MTOR: variants seen among roughly 807,000 people sequenced by gnomAD.
MTOR encodes the protein serine/threonine-protein kinase mTOR.
MTOR carries 70 observed loss-of-function variants against 319.8 expected under a neutral mutation model. That is an observed-to-expected ratio of 0.22 (90% CI 0.18 to 0.27). The LOEUF (loss-of-function observed/expected upper bound fraction) is 0.27. Ranked by LOEUF, MTOR falls within the 10% of genes least tolerant of loss-of-function variation. The pLI is 1.00. For missense variants in MTOR, 1,890 were observed against 3,274.4 expected (o/e 0.58, Z 10.32); for synonymous variants, 1,183 against 1,211.4 (o/e 0.98, Z 0.49).
intron 28 of MTOR, chr1:11,189,515 G>A: frequency 6.6e-7 from 1 of 1,516,188 alleles, no homozygotes. Context: ...CAGCTTTGCA[G>A]ACCTCAGCTG....
At chr1:11,194,951 T>A in intron 28 of MTOR, 1 of 1,613,974 alleles carries the variant, frequency 6.2e-7, no homozygotes, top group South Asian at 1.1e-5. Flanking sequence ...TCACCTGGTA[T>A]GGCTGGCATG....
chr1:11,233,283 C>T (rs574949242), intron 15 of MTOR, 115 bp downstream of exon 15: 20 of 962,094 alleles, frequency 2.1e-5, no homozygotes, highest in Admixed American at 1.6e-4. Context: ...GGCTGGGTTC[C>T]GCAATAAATA....
At position 11,228,692 on chromosome 1, in the gene MTOR, T is replaced by G. The variant is rs746759243; in HGVS notation, c.3006A>C (p.Arg1002=). ...QVMPTFLNVI[R]VCDGAIREFL... ...CTTCCCGGATGGCCCCATCACAGAC[T>G]CGAATGACGTTAAGGAACGTGGGCA... is the stretch of plus-strand genomic sequence containing the variant. The change falls in exon 19 of 58, where the codon CGA becomes CGC. Residue 1002 remains arginine (R), a synonymous_variant. Transcript: ENST00000361445. 1.9e-6 allele frequency: 3 copies of G among 1,614,010 alleles called. No individual in the cohort carries two copies. In the Admixed American group the frequency reaches 5.0e-5, roughly 27 times the overall value.
intron 3 of MTOR, among the ~76,000 whole-genome samples, chr1:11,257,797 C>A (rs2100981643): frequency 6.6e-6 from 1 of 152,132 alleles, no homozygotes; most frequent in South Asian, 2.1e-4. Flanking sequence ...GGACTGATGA[C>A]CAGTCCTTAG....
At position 11,115,886 on chromosome 1, in the gene MTOR, C is replaced by T. The variant is rs979160027; in HGVS notation, c.7017-418G>A. ...TAAGTCATTTCTGGCAGCACTGGCACCTTCTGGTGACAAGGCTCTATCATT... is the reference window on the plus strand; with the variant it reads ...TAAGTCATTTCTGGCAGCACTGGCATCTTCTGGTGACAAGGCTCTATCATT... On this transcript the variant is annotated intron_variant, in intron 50 of 57. Coordinates refer to ENST00000361445, the MANE Select transcript of MTOR (RefSeq NM_004958.4). The surrounding 1 kb of genome is among the most constrained non-coding windows in gnomAD (Gnocchi z 4.5). Among the ~76,000 whole-genome samples the T allele has an allele frequency of 6.6e-6, 1 of 152,220 alleles. No homozygotes were observed. The highest frequency in any genetic ancestry group is 1.5e-5 in the Non-Finnish European group (1 of 68,042).
Position 11,106,595 on chromosome 1 carries a change from C to G in MTOR, c.*890G>C. ...AAATTATTCTGATACAACATGGTGT[C>G]TAGACATGGCTACACTTTATACTTT... On this transcript the variant is annotated 3_prime_UTR_variant, in exon 58 of 58. Transcript: ENST00000361445. The G allele has an allele frequency of 1.9e-6, 2 of 1,075,318 alleles. No individual in the cohort carries two copies. Among genetic ancestry groups the G allele is most frequent in the Non-Finnish European group, 2.3e-6 (2 of 884,892 alleles). The allele number at this position is 1,075,318 out of a possible 1,614,324, so 66.6% of individuals were successfully genotyped here.
At chr1:11,149,823 C>T (rs1644074832) in intron 31 of MTOR, among the ~76,000 whole-genome samples, 1 of 152,176 alleles carries the variant, frequency 6.6e-6, no homozygotes, top group Non-Finnish European at 1.5e-5. Context: ...AAGCATCTGG[C>T]ATCAGTACTC....
At chr1:11,256,873 A>AC (rs969805187) in intron 4 of MTOR, 60 bp downstream of exon 4, 42 of 1,504,736 alleles carry the variant, frequency 2.8e-5, no homozygotes, top group Admixed American at 1.9e-4. Flanking sequence ...GAAGCAAAAG[A>AC]CCCCCCCATG....
intron 28 of MTOR, chr1:11,194,404 A>C: frequency 6.5e-7 from 1 of 1,539,030 alleles, no homozygotes; most frequent in Non-Finnish European, 9.0e-7. Context: ...AGGGGTATAG[A>C]GACAGCATGA....
chr1:11,127,620 A>G lies in MTOR; in HGVS notation c.6216+4T>C. The G allele has an allele frequency of 6.2e-7, 1 of 1,610,302 alleles. No individual in the cohort carries two copies. Among genetic ancestry groups the G allele is most frequent in the Middle Eastern group, 1.7e-4 (1 of 6,030 alleles). ...TATGTCCTTTCGTGTTTTTTACCCCATACCTGATTAAAGGATGTTTCCTTC... is the reference window on the plus strand; with the variant it reads ...TATGTCCTTTCGTGTTTTTTACCCCGTACCTGATTAAAGGATGTTTCCTTC... On this transcript the variant is annotated splice_donor_region_variant and intron_variant, in intron 44 of 57. Transcript: ENST00000361445. This position sits in a 1 kb window ranked among gnomAD's most constrained non-coding sequence, Gnocchi z 5.5.
chr1:11,163,421 C>A (rs146512381), intron 29 of MTOR, among the ~76,000 whole-genome samples: 2 of 152,164 alleles, frequency 1.3e-5, no homozygotes, highest in Admixed American at 6.5e-5. Flanking sequence ...CTCAGCTCTG[C>A]GCCAAGTGGA....
In MTOR at chr1:11,121,218, C is replaced by T. The variant is rs747661249; in HGVS notation, c.6933+28G>A. The T allele has an allele frequency of 1.7e-5, 28 of 1,610,620 alleles. No homozygotes were observed. The highest frequency in any genetic ancestry group is 1.6e-4 in the Middle Eastern group (1 of 6,082). On this transcript the variant is annotated intron_variant, in intron 49 of 57. Coordinates refer to ENST00000361445, the MANE Select transcript of MTOR (RefSeq NM_004958.4). This position sits in a 1 kb window ranked among gnomAD's most constrained non-coding sequence, Gnocchi z 4.9. ...ATTGCGAGTGGGGGTTCCAGGAGAG[C>T]GCAGGTCTGCAGGGCCCAGTGGCCT...
chr1:11,116,455 C>T (rs1642172193), intron 50 of MTOR, among the ~76,000 whole-genome samples: 1 of 152,046 alleles, frequency 6.6e-6, no homozygotes, highest in Non-Finnish European at 1.5e-5. Flanking sequence ...GCTGGGACTA[C>T]AGGTGTATGC....
At chr1:11,222,979 A>C (rs1286664843) in intron 19 of MTOR, among the ~76,000 whole-genome samples, 3 of 152,090 alleles carry the variant, frequency 2.0e-5, no homozygotes, top group Non-Finnish European at 4.4e-5. Flanking sequence ...CTGTTTACTA[A>C]ATGTTGAAAT....
chr1:11,206,188 A>G (rs1377897115), intron 25 of MTOR, among the ~76,000 whole-genome samples: 1 of 152,250 alleles, frequency 6.6e-6, no homozygotes, highest in African/African-American at 2.4e-5. Flanking sequence ...TCCTGCCCAC[A>G]GATACCTGGT....
intron 34 of MTOR, among the ~76,000 whole-genome samples, chr1:11,142,349 C>T (rs1054715826): frequency 2.6e-5 from 4 of 152,012 alleles, no homozygotes; most frequent in African/African-American, 7.2e-5. Context: ...AGTGCAGTGG[C>T]GCAATCTTGG....
At chr1:11,124,738 C>T in intron 46 of MTOR, 105 bp from the exon 47 acceptor site, 1 of 1,252,254 alleles carries the variant, frequency 8.0e-7, no homozygotes, top group East Asian at 2.4e-5. Flanking sequence ...TATGCCTTAC[C>T]TAATCACACG....
chr1:11,202,024 T>C (rs1645986383), intron 26 of MTOR, among the ~76,000 whole-genome samples: 1 of 152,204 alleles, frequency 6.6e-6, no homozygotes, highest in South Asian at 2.1e-4. Context: ...CAGGCTGGTC[T>C]TGAACTCTTG....
At chr1:11,236,287 C>T (rs1397701736) in intron 13 of MTOR, among the ~76,000 whole-genome samples, 1 of 151,796 alleles carries the variant, frequency 6.6e-6, no homozygotes, top group African/African-American at 2.4e-5. Context: ...CAGGTATGCA[C>T]CACTACACCC....
Sources: gnomAD v4.1 joint callset for allele counts (sites outside exome capture counted in the v4.1 genomes callset) on GRCh38, gnomAD v4.1.1 for gene constraint, Gnocchi (gnomAD v3.1) non-coding constraint, MANE v1.5 for transcripts, NCBI Gene and HGNC (gene_info 2026-07-23, HGNC 2026-07-21) for gene names.